ABCG2: variants seen among roughly 807,000 people sequenced by gnomAD.
The protein encoded by ABCG2 is broad substrate specificity ATP-binding cassette transporter ABCG2.
Under a neutral mutation model 73.5 loss-of-function variants are expected in ABCG2, and 80 were observed. The observed-to-expected ratio is 1.09, with a 90% CI of 0.91 to 1.31. ABCG2 has a LOEUF of 1.31. ABCG2 is among the 50% of genes most tolerant of loss of function. ABCG2 has a pLI of 0.00. For synonymous variants in ABCG2, 269 were observed against 282.4 expected (o/e 0.95, Z 0.48); for missense variants, 796 against 786.2 (o/e 1.01, Z -0.15).
At chr4:88,173,915 C>A (rs1727855503) in intron 1 of ABCG2, among the ~76,000 whole-genome samples, 1 of 152,140 alleles carries the variant, frequency 6.6e-6, no homozygotes, top group Admixed American at 6.6e-5. Context: ...CAAATAATGT[C>A]CGTATTACTT....
At chr4:88,133,851 A>T (rs1047862842) in intron 2 of ABCG2, among the ~76,000 whole-genome samples, 3 of 152,120 alleles carry the variant, frequency 2.0e-5, no homozygotes, top group African/African-American at 4.8e-5. Context: ...TACAAAAATT[A>T]GCCAGACACG....
chr4:88,223,638 T>C (rs765771885), intron 1 of ABCG2: 1 of 152,438 alleles, frequency 6.6e-6, no homozygotes, highest in Non-Finnish European at 1.5e-5. Flanking sequence ...TATTTCTTCA[T>C]AGCAGTGTGA....
At chr4:88,167,459 C>T (rs1210659203) in intron 1 of ABCG2, among the ~76,000 whole-genome samples, 1 of 143,758 alleles carries the variant, frequency 7.0e-6, no homozygotes, top group Admixed American at 7.3e-5. Context: ...CTGCAACCTT[C>T]GCCTCCCAGG....
intron 6 of ABCG2, among the ~76,000 whole-genome samples, chr4:88,119,407 G>C (rs1368081500): frequency 6.6e-6 from 1 of 152,244 alleles, no homozygotes; most frequent in Non-Finnish European, 1.5e-5. Flanking sequence ...AAGCCACTTT[G>C]GAACTGGGTA....
intron 1 of ABCG2, among the ~76,000 whole-genome samples, chr4:88,188,326 C>CAA (rs1560745853): frequency 1.3e-5 from 2 of 152,020 alleles, no homozygotes; most frequent in Non-Finnish European, 2.9e-5. Context: ...TATTCTATTG[C>CAA]ATTGGTCTAA....
intron 1 of ABCG2, among the ~76,000 whole-genome samples, chr4:88,201,112 A>G (rs1442198718): frequency 2.0e-5 from 3 of 151,786 alleles, no homozygotes; most frequent in South Asian, 4.1e-4. Flanking sequence ...CAGAAAAAAC[A>G]TGAAACTGAA....
At chr4:88,150,862 C>T (rs546679735) in intron 1 of ABCG2, among the ~76,000 whole-genome samples, 3 of 152,294 alleles carry the variant, frequency 2.0e-5, no homozygotes, top group South Asian at 4.1e-4. Context: ...GATGAGGACA[C>T]TGTCCTGCAC....
chr4:88,202,187 A>G (rs780293595), intron 1 of ABCG2, among the ~76,000 whole-genome samples: 39 of 151,320 alleles, frequency 2.6e-4, no homozygotes, highest in South Asian at 4.2e-4. Flanking sequence ...AAAGTCCCAT[A>G]ATGCCCCATG....
intron 1 of ABCG2, among the ~76,000 whole-genome samples, chr4:88,222,598 C>A (rs1270013131): frequency 1.3e-5 from 2 of 152,224 alleles, no homozygotes; most frequent in Non-Finnish European, 2.9e-5. Flanking sequence ...GTGAGTTTGC[C>A]ATTGAACCTC....
At chr4:88,095,994 G>A (rs1170558126) in intron 13 of ABCG2, among the ~76,000 whole-genome samples, 1 of 152,174 alleles carries the variant, frequency 6.6e-6, no homozygotes, top group African/African-American at 2.4e-5. Flanking sequence ...ACCTGGCATT[G>A]GAAGAATCTA....
At chr4:88,135,711 C>T (rs1725202127) in intron 2 of ABCG2, among the ~76,000 whole-genome samples, 1 of 152,194 alleles carries the variant, frequency 6.6e-6, no homozygotes, top group Non-Finnish European at 1.5e-5. Flanking sequence ...GCACAATGTC[C>T]TGCACTAGCA....
chr4:88,140,115 G>T, intron 1 of ABCG2, 101 bp from the exon 2 acceptor site: 1 of 922,886 alleles, frequency 1.1e-6, no homozygotes, highest in Non-Finnish European at 1.6e-6. Context: ...TAAATGTGCG[G>T]CAATGAGCAG....
Position 88,099,411 on chromosome 4 carries a change from A to T in ABCG2, c.1405T>A (p.Tyr469Asn). 1 of 1,612,130 alleles carries T rather than the reference A, an allele frequency of 6.2e-7. No homozygotes were observed. The highest frequency in any genetic ancestry group is 8.5e-7 in the Non-Finnish European group (1 of 1,179,122). Residue 469 changes from tyrosine to asparagine, a missense_variant, in exon 12 of 16, where the codon TAT becomes AAT. By Grantham distance (143) the Tyr-to-Asn change is moderately radical. Coordinates refer to ENST00000237612, the MANE Select transcript of ABCG2 (RefSeq NM_004827.3). ...TCAGATAACAGTTTTCCAAGGAAATAAGATGACACTCTGTAGTATCCGCTG... is the reference window on the plus strand; with the variant it reads ...TCAGATAACAGTTTTCCAAGGAAATTAGATGACACTCTGTAGTATCCGCTG... ...YISGYYRVSS[Y>N]FLGKLLSDLL...
intron 3 of ABCG2, 108 bp downstream of exon 3, chr4:88,132,468 T>G: frequency 1.7e-6 from 2 of 1,166,124 alleles, no homozygotes; most frequent in Non-Finnish European, 2.5e-6. Flanking sequence ...AGACCTGACA[T>G]GCGTTGCAAA....
chr4:88,113,825 G>T (rs45497898), intron 8 of ABCG2, among the ~76,000 whole-genome samples: 1 of 151,872 alleles, frequency 6.6e-6, no homozygotes, highest in African/African-American at 2.4e-5. Context: ...TTAGCCTGGC[G>T]TGGTGGTGCG....
intron 1 of ABCG2, among the ~76,000 whole-genome samples, chr4:88,210,837 C>T (rs1729562783): frequency 6.6e-6 from 1 of 152,154 alleles, no homozygotes; most frequent in Non-Finnish European, 1.5e-5. Flanking sequence ...GCTGGAATGA[C>T]AGGCATAAGC....
chr4:88,222,181 G>A (rs1730034535), intron 1 of ABCG2, among the ~76,000 whole-genome samples: 1 of 152,172 alleles, frequency 6.6e-6, no homozygotes, highest in South Asian at 2.1e-4. Flanking sequence ...TATGGTGTTG[G>A]GCCTGCAGGT....
intron 1 of ABCG2, among the ~76,000 whole-genome samples, chr4:88,207,896 T>C (rs572631618): frequency 6.6e-6 from 1 of 152,328 alleles, no homozygotes; most frequent in African/African-American, 2.4e-5. Context: ...GATATTTTTG[T>C]TGGCTGAAAA....
chr4:88,224,261 C>T (rs1730115781), intron 1 of ABCG2, among the ~76,000 whole-genome samples: 1 of 151,930 alleles, frequency 6.6e-6, no homozygotes, highest in Non-Finnish European at 1.5e-5. Flanking sequence ...CAGAGCAAAA[C>T]CCCTTCTCTA....
Sources: allele counts gnomAD v4.1 joint callset (sites outside exome capture counted in the v4.1 genomes callset), GRCh38; gene constraint gnomAD v4.1.1; transcripts MANE v1.5; gene names NCBI Gene and HGNC (gene_info 2026-07-23, HGNC 2026-07-21).